The following SLC9B1 variants were observed in gnomAD, a reference collection of about 807,000 sequenced individuals.
SLC9B1 encodes the protein solute carrier family 9 member B1.
A neutral mutation model predicts 51.7 loss-of-function variants in SLC9B1; 32 were observed. That is an observed-to-expected ratio of 0.62 (90% CI 0.47 to 0.83). The LOEUF (loss-of-function observed/expected upper bound fraction) is 0.83. Among genes scored for constraint, SLC9B1 ranks in the 40% least tolerant of loss-of-function variants. The pLI, the probability that SLC9B1 is intolerant of heterozygous loss-of-function variation, is 0.00. For missense variants in SLC9B1, 406 were observed against 613.2 expected (o/e 0.66, Z 3.57); for synonymous variants, 145 against 212.7 (o/e 0.68, Z 2.77).
intron 1 of SLC9B1, among the ~76,000 whole-genome samples, chr4:102,998,767 T>C (rs1007550068): frequency 6.6e-6 from 1 of 152,216 alleles, no homozygotes; most frequent in Admixed American, 6.5e-5. Flanking sequence ...CATTTCCACT[T>C]CCCTAATGAT....
chr4:102,971,729 G>C (rs1043310100), intron 3 of SLC9B1, among the ~76,000 whole-genome samples: 23 of 151,910 alleles, frequency 1.5e-4, no homozygotes, highest in Admixed American at 1.3e-4. Context: ...CAACAAAATT[G>C]ATAGACCACT....
intron 11 of SLC9B1, among the ~76,000 whole-genome samples, chr4:102,905,267 C>A (rs566209421): frequency 8.5e-5 from 12 of 140,664 alleles, no homozygotes; most frequent in Admixed American, 2.9e-4. Context: ...GTCGCCCAGA[C>A]TGGAATACAG....
intron 10 of SLC9B1, 58 bp downstream of exon 10, chr4:102,906,478 T>G: frequency 1.2e-6 from 1 of 865,046 alleles, no homozygotes; most frequent in Non-Finnish European, 1.8e-6. Flanking sequence ...ATAAATGTAT[T>G]TATAATTTTC....
chr4:102,924,294 C>T (rs528366054), intron 7 of SLC9B1, among the ~76,000 whole-genome samples: 8 of 152,130 alleles, frequency 5.3e-5, no homozygotes, highest in East Asian at 1.9e-4. Context: ...CTGACATAAA[C>T]GAGAAATGGG....
intron 7 of SLC9B1, among the ~76,000 whole-genome samples, chr4:102,918,165 A>G (rs1456021073): frequency 1.3e-5 from 2 of 151,888 alleles, no homozygotes; most frequent in Admixed American, 1.3e-4. Flanking sequence ...ATCAGCTAGA[A>G]TATTTAAGAA....
intron 7 of SLC9B1, among the ~76,000 whole-genome samples, chr4:102,922,997 C>T (rs1212306892): frequency 6.6e-6 from 1 of 152,142 alleles, no homozygotes; most frequent in East Asian, 1.9e-4. Context: ...GAGCTGGTAC[C>T]ATTCTTTCTG....
intron 1 of SLC9B1, chr4:103,014,792 CAA>C (rs977294902): frequency 3.9e-5 from 6 of 152,130 alleles, no homozygotes; most frequent in African/African-American, 1.4e-4. Flanking sequence ...GTGTAAAAAG[CAA>C]AGAGACAAAC....
intron 1 of SLC9B1, among the ~76,000 whole-genome samples, chr4:103,010,073 T>C (rs1030748962): frequency 1.3e-5 from 2 of 152,234 alleles, no homozygotes; most frequent in African/African-American, 4.8e-5. Context: ...AGTACCTTGA[T>C]TTTAAACCGT....
At chr4:103,013,858 A>G (rs962044269) in intron 1 of SLC9B1, among the ~76,000 whole-genome samples, 22 of 152,194 alleles carry the variant, frequency 1.4e-4, no homozygotes, top group Non-Finnish European at 2.5e-4. Context: ...AATTTTATTC[A>G]TTTCTTTCCA....
chr4:103,002,397 G>C (rs1194542061), intron 1 of SLC9B1, among the ~76,000 whole-genome samples: 1 of 152,108 alleles, frequency 6.6e-6, no homozygotes, highest in Non-Finnish European at 1.5e-5. Context: ...TTCTGTGCAA[G>C]ACACAGACTA....
chr4:102,943,067 A>C (rs1737081975), intron 6 of SLC9B1, among the ~76,000 whole-genome samples: 1 of 152,118 alleles, frequency 6.6e-6, no homozygotes, highest in Non-Finnish European at 1.5e-5. Context: ...GCCAAGAAAC[A>C]TGAAAAAATC....
chr4:102,987,978 A>C (rs566520956), intron 3 of SLC9B1, among the ~76,000 whole-genome samples: 1 of 152,128 alleles, frequency 6.6e-6, no homozygotes, highest in African/African-American at 2.4e-5. Flanking sequence ...GATGACTTCT[A>C]ATCTCCTTAC....
Position 102,949,395 on chromosome 4 carries a change from A to G in SLC9B1, c.244T>C (p.Trp82Arg), listed in dbSNP as rs1380696880. ...AGAGCTTCAGAGCCTAAGATTGACC[A>G]GGTCATACACCATATCACAAACAGT... ...VILFVIWCMT[W>R]SILGSEALPG... The change falls in exon 4 of 12, where the codon TGG becomes CGG. Residue 82 changes from tryptophan (W) to arginine (R), a missense_variant. Transcript: ENST00000296422. 1 of 1,609,112 alleles carries G rather than the reference A, an allele frequency of 6.2e-7. No individual in the cohort carries two copies. Among genetic ancestry groups the G allele is most frequent in the South Asian group, 1.1e-5 (1 of 90,304 alleles).
chr4:103,010,447 A>C (rs1374822250), intron 1 of SLC9B1, among the ~76,000 whole-genome samples: 2 of 152,232 alleles, frequency 1.3e-5, no homozygotes, highest in Admixed American at 6.5e-5. Context: ...TACTGTTACA[A>C]TCAACATGAG....
intron 1 of SLC9B1, among the ~76,000 whole-genome samples, chr4:103,007,455 G>C (rs900704960): frequency 6.6e-6 from 1 of 152,052 alleles, no homozygotes; most frequent in Admixed American, 6.6e-5. Flanking sequence ...AAACACTGCT[G>C]AAAGAAATCA....
intron 9 of SLC9B1, among the ~76,000 whole-genome samples, chr4:102,909,457 G>T (rs1193596273): frequency 9.9e-5 from 15 of 151,982 alleles, no homozygotes; most frequent in Non-Finnish European, 2.1e-4. Context: ...ACAAAAATTT[G>T]CTGGGTGTGG....
At chr4:102,955,174 T>TC (rs201325382) in intron 3 of SLC9B1, among the ~76,000 whole-genome samples, 2,476 of 152,202 alleles carry the variant, frequency 0.016, 29 homozygotes, top group Middle Eastern at 0.061. Context: ...TGGGGGTGGT[T>TC]CCCCCCATAC....
intron 3 of SLC9B1, among the ~76,000 whole-genome samples, chr4:102,982,894 T>G (rs1169232099): frequency 2.6e-5 from 4 of 152,106 alleles, no homozygotes; most frequent in Non-Finnish European, 5.9e-5. Context: ...TTGTCATAAT[T>G]CATTAGTTGG....
In SLC9B1 at chr4:102,906,738, T is replaced by A. The variant is rs533397934; in HGVS notation, c.1087-94A>T. On this transcript the variant is annotated intron_variant, in intron 9 of 11. Transcript: ENST00000296422. The stretch of plus-strand genomic sequence containing the variant: ...CCCCCCCCTTTTTTTTTTCATTTTT[T>A]AAGTATTTTAGAGATGGGGTCTTGC... 104 of 773,784 alleles carry A rather than the reference T, an allele frequency of 1.3e-4. No homozygotes were observed. The African/African-American group carries it at 1.7e-3, about 12-fold the overall frequency. 47.9% of individuals were successfully genotyped at this position (773,784 alleles called of 1,614,324 possible). A position where few individuals can be genotyped will look rare whatever the true frequency, so the allele number is the denominator to read the frequency against.
Sources: allele counts gnomAD v4.1 joint callset (sites outside exome capture counted in the v4.1 genomes callset), GRCh38; gene constraint gnomAD v4.1.1; transcripts MANE v1.5; gene names NCBI Gene and HGNC (gene_info 2026-07-23, HGNC 2026-07-21).